The following CHRM3 variants were observed in gnomAD, a reference collection of about 807,000 sequenced individuals.
The protein encoded by CHRM3 is muscarinic acetylcholine receptor M3.
A neutral mutation model predicts 41.8 loss-of-function variants in CHRM3; 11 were observed. The observed-to-expected ratio is 0.26, with a 90% confidence interval of 0.17 to 0.44. CHRM3 has a LOEUF of 0.44. Among genes scored for constraint, CHRM3 ranks in the 20% least tolerant of loss-of-function variants. CHRM3 has a pLI of 1.00. For synonymous variants in CHRM3, 297 were observed against 301.4 expected, an observed-to-expected ratio of 0.99 and a Z score of 0.15; for missense variants, 571 against 745.4, an observed-to-expected ratio of 0.77 and a Z score of 2.72.
chr1:239,407,649 A>G lies in CHRM3; in HGVS notation c.-521+20422A>G, dbSNP rs75592194. 3.3e-5 allele frequency among the ~76,000 whole-genome samples: 5 copies of G among 152,162 alleles called. No homozygotes were observed. The East Asian group carries it at 9.7e-4, about 29-fold the overall frequency. On this transcript the variant is annotated intron_variant, in intron 1 of 6. Coordinates refer to ENST00000676153, the MANE Select transcript of CHRM3 (RefSeq NM_001375978.1). ...CCATTAATGCTGTCACTCACAATAA[A>G]TTATAGCGTGGTACACCTGAAGAAC...
intron 6 of CHRM3, among the ~76,000 whole-genome samples, chr1:239,864,053 T>C (rs1052567747): frequency 4.7e-5 from 7 of 148,468 alleles, no homozygotes; most frequent in Admixed American, 3.3e-4. Flanking sequence ...AAGTATTTGA[T>C]AAAATTCAGT....
chr1:239,661,010 C>T (rs1290598829), intron 4 of CHRM3, among the ~76,000 whole-genome samples: 2 of 152,124 alleles, frequency 1.3e-5, no homozygotes, highest in Non-Finnish European at 2.9e-5. Flanking sequence ...ACTGTTATAT[C>T]ACTTTTACAA....
intron 5 of CHRM3, among the ~76,000 whole-genome samples, chr1:239,724,667 A>G (rs1000196663): frequency 3.3e-5 from 5 of 151,894 alleles, no homozygotes; most frequent in Non-Finnish European, 5.9e-5. Flanking sequence ...TTGGGCATTT[A>G]TTTTCACATA....
At chr1:239,769,070 G>A (rs1416785567) in intron 5 of CHRM3, among the ~76,000 whole-genome samples, 3 of 151,638 alleles carry the variant, frequency 2.0e-5, no homozygotes, top group Non-Finnish European at 2.9e-5. Flanking sequence ...TGACCTAAGC[G>A]ACTTTTTTTT....
At chr1:239,898,995 C>A (rs1378578608) in intron 6 of CHRM3, among the ~76,000 whole-genome samples, 2 of 152,094 alleles carry the variant, frequency 1.3e-5, no homozygotes, top group Non-Finnish European at 2.9e-5. Context: ...TCTTTTTTCA[C>A]ATTTTTTGTT....
At chr1:239,395,698 C>T (rs750738058) in intron 1 of CHRM3, among the ~76,000 whole-genome samples, 5 of 152,196 alleles carry the variant, frequency 3.3e-5, no homozygotes, top group African/African-American at 4.8e-5. Context: ...GATGCAGATA[C>T]TGCTCCTCTG....
At chr1:239,562,713 C>T (rs1234106375) in intron 3 of CHRM3, among the ~76,000 whole-genome samples, 1 of 151,916 alleles carries the variant, frequency 6.6e-6, no homozygotes, top group Non-Finnish European at 1.5e-5. Flanking sequence ...CATAGTGAAA[C>T]CCCATCTCTA....
chr1:239,879,217 A>G (rs914632929), intron 6 of CHRM3, among the ~76,000 whole-genome samples: 2 of 152,042 alleles, frequency 1.3e-5, no homozygotes, highest in African/African-American at 4.8e-5. Context: ...TGCAGCCTCA[A>G]ACTCCTGGGC....
chr1:239,398,266 C>T (rs922757274), intron 1 of CHRM3, among the ~76,000 whole-genome samples: 5 of 152,106 alleles, frequency 3.3e-5, no homozygotes, highest in East Asian at 1.9e-4. Flanking sequence ...GATGGAGTTT[C>T]GTTCTTTCAC....
At chr1:239,706,694 CCACA>C (rs1226996805) in intron 5 of CHRM3, among the ~76,000 whole-genome samples, 80 of 148,024 alleles carry the variant, frequency 5.4e-4, no homozygotes, top group Admixed American at 3.4e-3. Context: ...AGGCATGCAC[CCACA>C]CACACGTGTG....
At chr1:239,461,115 G>C (rs755131611) in intron 1 of CHRM3, among the ~76,000 whole-genome samples, 2 of 152,148 alleles carry the variant, frequency 1.3e-5, no homozygotes, top group African/African-American at 4.8e-5. Context: ...TCAAGAATGA[G>C]ATTTAGTGGA....
rs566273926 is a variant in CHRM3, at chr1:239,496,675, T to C, written c.-422+3868T>C. ...TTGTACTTCTCCAACATGGATGATA[T>C]ATTTTGAACATAACTTTATACAAAT... is the stretch of plus-strand genomic sequence containing the variant. On this transcript the variant is annotated intron_variant, in intron 2 of 6. Transcript: ENST00000676153. 8.5e-5 allele frequency among the ~76,000 whole-genome samples: 13 copies of C among 152,228 alleles called. No individual in the cohort carries two copies. In the South Asian group the frequency reaches 1.2e-3, roughly 15 times the overall value.
At chr1:239,867,793 T>A (rs189063470) in intron 6 of CHRM3, among the ~76,000 whole-genome samples, 3 of 152,138 alleles carry the variant, frequency 2.0e-5, no homozygotes, top group Non-Finnish European at 4.4e-5. Flanking sequence ...ACCATTTCTG[T>A]TGGGGCCCAG....
At chr1:239,549,131 G>A (rs1254954753) in intron 3 of CHRM3, among the ~76,000 whole-genome samples, 4 of 151,992 alleles carry the variant, frequency 2.6e-5, no homozygotes, top group Non-Finnish European at 2.9e-5. Context: ...TCACTACCAT[G>A]AGAACAGCAT....
intron 6 of CHRM3, among the ~76,000 whole-genome samples, chr1:239,841,777 T>G (rs1673820776): frequency 6.6e-6 from 1 of 152,202 alleles, no homozygotes; most frequent in Non-Finnish European, 1.5e-5. Flanking sequence ...AATGGGAAGA[T>G]GGCTCCAAAT....
At chr1:239,551,650 A>G (rs1659843311) in intron 3 of CHRM3, among the ~76,000 whole-genome samples, 1 of 152,164 alleles carries the variant, frequency 6.6e-6, no homozygotes, top group African/African-American at 2.4e-5. Flanking sequence ...TTTATCATAC[A>G]ATTGTAACAT....
intron 3 of CHRM3, among the ~76,000 whole-genome samples, chr1:239,627,603 G>A (rs1047722458): frequency 3.4e-4 from 47 of 139,982 alleles, no homozygotes; most frequent in Admixed American, 1.3e-3. Context: ...AGTCTCGATG[G>A]TCTTTACATT....
intron 1 of CHRM3, among the ~76,000 whole-genome samples, chr1:239,420,228 T>C (rs141353915): frequency 4.3e-4 from 65 of 152,308 alleles, no homozygotes; most frequent in African/African-American, 1.6e-3. Context: ...CACACTCACC[T>C]GCTTTATTGT....
chr1:239,499,081 G>A (rs1241370909), intron 2 of CHRM3, among the ~76,000 whole-genome samples: 1 of 152,078 alleles, frequency 6.6e-6, no homozygotes, highest in South Asian at 2.1e-4. Context: ...TTCAAGGCTG[G>A]TATCTTTCAG....
Sources: allele counts gnomAD v4.1 joint callset (sites outside exome capture counted in the v4.1 genomes callset), GRCh38; gene constraint gnomAD v4.1.1; transcripts MANE v1.5; gene names NCBI Gene and HGNC (gene_info 2026-07-23, HGNC 2026-07-21).